Variants in KCNJ3 observed in about 807,000 individuals in gnomAD.
KCNJ3 encodes G protein-activated inward rectifier potassium channel 1.
Under a neutral mutation model 39.2 loss-of-function variants are expected in KCNJ3, and 4 were observed. The ratio of observed to expected loss-of-function variants is 0.10; its 90% CI spans 0.05 to 0.23. The LOEUF (loss-of-function observed/expected upper bound fraction) is 0.23. KCNJ3 is among the 10% of genes least tolerant of loss of function. The pLI is 1.00. For missense variants in KCNJ3, 276 were observed against 634.9 expected (o/e 0.43, Z 6.08); for synonymous variants, 230 against 237.4 (o/e 0.97, Z 0.29).
intron 2 of KCNJ3, among the ~76,000 whole-genome samples, chr2:154,824,485 C>A (rs1371204666): frequency 6.6e-6 from 1 of 151,934 alleles, no homozygotes; most frequent in Non-Finnish European, 1.5e-5. Context: ...GGTTTGGGTG[C>A]CTAAAATATG....
At chr2:154,733,731 AC>A (rs963605814) in intron 2 of KCNJ3, among the ~76,000 whole-genome samples, 12 of 151,930 alleles carry the variant, frequency 7.9e-5, no homozygotes, top group African/African-American at 2.9e-4. Flanking sequence ...GTGACTATTC[AC>A]CCCCATTGCT....
At chr2:154,838,507 G>A (rs1687508569) in intron 2 of KCNJ3, among the ~76,000 whole-genome samples, 1 of 152,084 alleles carries the variant, frequency 6.6e-6, no homozygotes, top group Non-Finnish European at 1.5e-5. Context: ...AGAATTATAT[G>A]ATAATACACA....
chr2:154,803,306 T>C (rs1437433035), intron 2 of KCNJ3, among the ~76,000 whole-genome samples: 1 of 152,018 alleles, frequency 6.6e-6, no homozygotes, highest in Non-Finnish European at 1.5e-5. Flanking sequence ...AAATTTGTTA[T>C]ATCATGAAAT....
At chr2:154,753,954 A>G (rs1685893584) in intron 2 of KCNJ3, among the ~76,000 whole-genome samples, 1 of 152,180 alleles carries the variant, frequency 6.6e-6, no homozygotes, top group Non-Finnish European at 1.5e-5. Flanking sequence ...ACCATAGTAC[A>G]ATTATCAAAA....
chr2:154,714,317 A>G (rs547206399), intron 2 of KCNJ3, among the ~76,000 whole-genome samples: 2 of 151,944 alleles, frequency 1.3e-5, no homozygotes, highest in South Asian at 4.2e-4. Flanking sequence ...TGAAATTCAG[A>G]CACATTACAT....
At chr2:154,709,459 C>T (rs1275544513) in intron 1 of KCNJ3, 144 bp from the exon 2 acceptor site, 3 of 792,192 alleles carry the variant, frequency 3.8e-6, no homozygotes, top group Admixed American at 5.8e-5. Flanking sequence ...TTTGCTAGAA[C>T]ATAGTTGCAT....
chr2:154,739,741 C>T (rs139566991), intron 2 of KCNJ3, among the ~76,000 whole-genome samples: 99 of 152,110 alleles, frequency 6.5e-4, no homozygotes, highest in African/African-American at 2.2e-3. Flanking sequence ...CGGGAGTTCC[C>T]TTCAGATTAC....
chr2:154,720,344 A>G (rs1685247891), intron 2 of KCNJ3, among the ~76,000 whole-genome samples: 1 of 151,980 alleles, frequency 6.6e-6, no homozygotes, highest in African/African-American at 2.4e-5. Context: ...TCTAGTTCTG[A>G]TCCATTCCTG....
chr2:154,699,556 C>T lies in KCNJ3; in HGVS notation c.702+79C>T, dbSNP rs1684850104. ...GGAGTAACTCGTCTGAGAACCAGCCCGGGCCCCCTCCCCTGGTTCTACCTA... is the reference window on the plus strand; with the variant it reads ...GGAGTAACTCGTCTGAGAACCAGCCTGGGCCCCCTCCCCTGGTTCTACCTA... On this transcript the variant is annotated intron_variant, in intron 1 of 2. Coordinates refer to ENST00000295101, the MANE Select transcript of KCNJ3 (RefSeq NM_002239.4). This position sits in a 1 kb window ranked among gnomAD's most constrained non-coding sequence, Gnocchi z 6.4. The T allele has an allele frequency of 1.4e-6, 2 of 1,481,026 alleles. No individual in the cohort carries two copies. The highest frequency in any genetic ancestry group is 1.8e-6 in the Non-Finnish European group (2 of 1,117,182). 91.7% of individuals were successfully genotyped at this position (1,481,026 alleles called of 1,614,324 possible).
At chr2:154,790,698 TG>T (rs1380567500) in intron 2 of KCNJ3, among the ~76,000 whole-genome samples, 1 of 152,038 alleles carries the variant, frequency 6.6e-6, no homozygotes, top group African/African-American at 2.4e-5. Flanking sequence ...TTTTGGATTT[TG>T]GGGGATGTAG....
intron 1 of KCNJ3, chr2:154,709,362 A>G (rs1685065723): frequency 5.8e-6 from 3 of 518,646 alleles, no homozygotes; most frequent in Non-Finnish European, 1.0e-5. Flanking sequence ...TCCAAAGCTC[A>G]TGAGTTAGGG....
At chr2:154,736,710 C>T (rs1685553223) in intron 2 of KCNJ3, among the ~76,000 whole-genome samples, 1 of 152,110 alleles carries the variant, frequency 6.6e-6, no homozygotes, top group Non-Finnish European at 1.5e-5. Context: ...GATGGAGTAA[C>T]AGGGACAAAG....
rs760590535 is a variant in KCNJ3 at position 154,727,519 on chromosome 2, G to T, written c.919+17700G>T. Among the ~76,000 whole-genome samples the T allele has an allele frequency of 8.8e-4, 133 of 151,294 alleles. 1 individual carries two copies. The highest frequency in any genetic ancestry group is 3.3e-4 in the Admixed American group (5 of 15,202). On this transcript the variant is annotated intron_variant, in intron 2 of 2. Transcript: ENST00000295101. ...AGGCAGCAGAATCACTTGAACCCAGGGGGCGGAGGTTGCTGGTGAGCCGAG... is the reference window on the plus strand; with the variant it reads ...AGGCAGCAGAATCACTTGAACCCAGTGGGCGGAGGTTGCTGGTGAGCCGAG...
chr2:154,779,468 G>GTATATATTATA (rs1010659885), intron 2 of KCNJ3, among the ~76,000 whole-genome samples: 1 of 132,256 alleles, frequency 7.6e-6, no homozygotes, highest in African/African-American at 3.2e-5. Context: ...TATATATGTT[G>GTATATATTATA]TATATATTAT....
In KCNJ3 at chr2:154,857,902, A is replaced by T. The variant is rs1270213892; in HGVS notation, c.*2589A>T. The stretch of plus-strand genomic sequence containing the variant: ...TCTCAACATCAAAAAAAAAAAAAAA[A>T]AAAAAAAAAAAAAAAAAAAAAAAAA... On this transcript the variant is annotated 3_prime_UTR_variant, in exon 3 of 3. Coordinates refer to ENST00000295101, the MANE Select transcript of KCNJ3 (RefSeq NM_002239.4). 1 of 81,160 alleles carries T rather than the reference A, an allele frequency of 1.2e-5. No homozygotes were observed. The highest frequency in any genetic ancestry group is 8.5e-4 in the East Asian group (1 of 1,176). 5.0% of individuals were successfully genotyped at this position (81,160 alleles called of 1,614,324 possible).
chr2:154,787,891 C>A (rs1046633079), intron 2 of KCNJ3, among the ~76,000 whole-genome samples: 1 of 151,956 alleles, frequency 6.6e-6, no homozygotes, highest in Non-Finnish European at 1.5e-5. Flanking sequence ...AGATCTAGTA[C>A]CTTTTATGAC....
intron 2 of KCNJ3, among the ~76,000 whole-genome samples, chr2:154,765,375 G>A (rs1686115605): frequency 6.6e-6 from 1 of 152,080 alleles, no homozygotes; most frequent in Non-Finnish European, 1.5e-5. Flanking sequence ...CTTATTACCA[G>A]TTTCAACTAC....
At chr2:154,807,878 G>A (rs149240134) in intron 2 of KCNJ3, among the ~76,000 whole-genome samples, 64 of 152,142 alleles carry the variant, frequency 4.2e-4, no homozygotes, top group African/African-American at 7.7e-4. Context: ...CAAAAAGATC[G>A]TTAGTGTCTC....
At chr2:154,724,554 G>C (rs952400355) in intron 2 of KCNJ3, among the ~76,000 whole-genome samples, 1 of 151,608 alleles carries the variant, frequency 6.6e-6, no homozygotes, top group Non-Finnish European at 1.5e-5. Flanking sequence ...CAGTGAGCAA[G>C]CAAAAGTGAG....
Sources: gnomAD v4.1 joint callset for allele counts (sites outside exome capture counted in the v4.1 genomes callset) on GRCh38, gnomAD v4.1.1 for gene constraint, Gnocchi (gnomAD v3.1) non-coding constraint, MANE v1.5 for transcripts, NCBI Gene and HGNC (gene_info 2026-07-23, HGNC 2026-07-21) for gene names.